TMOD1: variants seen among roughly 807,000 people sequenced by gnomAD.
TMOD1 encodes tropomodulin 1.
TMOD1 carries 17 observed loss-of-function variants against 40.6 expected under a neutral mutation model. The observed-to-expected ratio is 0.42, with a 90% confidence interval of 0.29 to 0.63. The LOEUF is 0.63. Among genes scored for constraint, TMOD1 ranks in the 20% least tolerant of loss-of-function variants. The pLI, the probability that TMOD1 is intolerant of heterozygous loss-of-function variation, is 0.22. For synonymous variants in TMOD1, 181 were observed against 175.0 expected, an observed-to-expected ratio of 1.03 and a Z score of -0.27; for missense variants, 391 against 447.6, an observed-to-expected ratio of 0.87 and a Z score of 1.14.
At chr9:97,546,164 C>CTCCTG in intron 2 of TMOD1, 21 bp from the exon 3 acceptor site, 1 of 1,592,298 alleles carries the variant, frequency 6.3e-7, no homozygotes, top group Non-Finnish European at 8.5e-7. Flanking sequence ...CTCTCCTGCC[C>CTCCTG]CCCCACAACC....
chr9:97,519,181 C>A (rs999672976), intron 1 of TMOD1, among the ~76,000 whole-genome samples: 1 of 152,174 alleles, frequency 6.6e-6, no homozygotes, highest in East Asian at 1.9e-4. Flanking sequence ...TTTAAAAGAG[C>A]CTTGTGTACT....
chr9:97,597,373 T>C (rs1169826427), intron 9 of TMOD1, among the ~76,000 whole-genome samples: 1 of 152,192 alleles, frequency 6.6e-6, no homozygotes, highest in Non-Finnish European at 1.5e-5. Flanking sequence ...AATGGATGCC[T>C]TTCCCTTCTC....
At chr9:97,521,103 C>T (rs1829908277) in intron 1 of TMOD1, among the ~76,000 whole-genome samples, 1 of 152,186 alleles carries the variant, frequency 6.6e-6, no homozygotes, top group Non-Finnish European at 1.5e-5. Flanking sequence ...CTGGTCCTGT[C>T]CTTGTGTCCC....
rs145853650 is a variant in TMOD1, at chr9:97,552,091, G to C, written c.278-1190G>C. On this transcript the variant is annotated intron_variant, in intron 3 of 9. Transcript: ENST00000259365. ...AGGTTTTTTTGTGTGGAAATTCAGG[G>C]TTTTCTATACATAAGATTATGTCTT... Among the ~76,000 whole-genome samples, 8 of 152,214 alleles carry C rather than the reference G, an allele frequency of 5.3e-5. No individual in the cohort carries two copies. In the East Asian group the frequency reaches 1.5e-3, roughly 29 times the overall value.
chr9:97,571,695 G>T (rs1473056575), intron 8 of TMOD1, among the ~76,000 whole-genome samples: 1 of 152,236 alleles, frequency 6.6e-6, no homozygotes, highest in East Asian at 1.9e-4. Flanking sequence ...CACACAAGAA[G>T]CAAGAGGGGC....
intron 3 of TMOD1, among the ~76,000 whole-genome samples, chr9:97,551,012 ATATTTTTTTTTT>A (rs1463395356): frequency 1.5e-4 from 6 of 39,348 alleles, no homozygotes; most frequent in African/African-American, 9.3e-4. Flanking sequence ...ATATATATAT[ATATTTTTTTTTT>A]TTTTTTTTTT....
chr9:97,588,090 A>C (rs763442773), intron 8 of TMOD1, among the ~76,000 whole-genome samples: 16 of 152,244 alleles, frequency 1.1e-4, no homozygotes, highest in Middle Eastern at 3.4e-3. Flanking sequence ...GTGTGGACTT[A>C]TGTTTTTATT....
rs1826261789 is a variant in TMOD1, at chr9:97,601,605, T to C, written c.*1907T>C. 1.0e-6 allele frequency: 1 copy of C among 987,404 alleles called. No individual in the cohort carries two copies. The highest frequency in any genetic ancestry group is 1.2e-6 in the Non-Finnish European group (1 of 831,364). The allele number at this position is 987,404 out of a possible 1,614,324, so 61.2% of individuals were successfully genotyped here. ...GGTCTAGATCAGGGGCTGGCAAACT[T>C]TTCTGTAAAAGGCCAGACAGTAAAA... On this transcript the variant is annotated 3_prime_UTR_variant, in exon 10 of 10. Coordinates refer to ENST00000259365, the MANE Select transcript of TMOD1 (RefSeq NM_003275.4).
In TMOD1 at chr9:97,594,487, A is replaced by T. The variant is rs1255915933; in HGVS notation, c.1015+3052A>T. Among the ~76,000 whole-genome samples the T allele has an allele frequency of 2.0e-5, 3 of 152,224 alleles. No individual in the cohort carries two copies. The East Asian group carries it at 5.8e-4, about 29-fold the overall frequency. ...GACTGAGGCTGTTAGCAGGCCTGGC[A>T]GCAGGGAGCGCAGATTGGGAAGGGA... On this transcript the variant is annotated intron_variant, in intron 9 of 9. Transcript: ENST00000259365.
chr9:97,528,006 G>A lies in TMOD1; in HGVS notation c.120+3698G>A, dbSNP rs554842959. On this transcript the variant is annotated intron_variant, in intron 2 of 9. Coordinates refer to ENST00000259365, the MANE Select transcript of TMOD1 (RefSeq NM_003275.4). ...GAGGGGGACAGATGGAGGAGGCCTC[G>A]CAGAACCCAAAATACATCCACCAGC... Among the ~76,000 whole-genome samples, 26 of 152,290 alleles carry A rather than the reference G, an allele frequency of 1.7e-4. No individual in the cohort carries two copies. In the South Asian group the frequency reaches 3.7e-3, roughly 22 times the overall value.
intron 8 of TMOD1, among the ~76,000 whole-genome samples, chr9:97,588,219 G>A (rs1315023077): frequency 6.6e-6 from 1 of 152,190 alleles, no homozygotes; most frequent in Non-Finnish European, 1.5e-5. Flanking sequence ...CACCAGCAAT[G>A]TATGAGGGTG....
chr9:97,508,056 TTCACACACACACAC>T (rs1212384403), intron 1 of TMOD1, among the ~76,000 whole-genome samples: 4 of 96,066 alleles, frequency 4.2e-5, no homozygotes, highest in African/African-American at 1.7e-4. Flanking sequence ...ATCTTCCTGA[TTCACACACACACAC>T]ACACACACAC....
intron 1 of TMOD1, among the ~76,000 whole-genome samples, chr9:97,519,975 C>G (rs1490254911): frequency 1.3e-5 from 2 of 152,140 alleles, no homozygotes; most frequent in Non-Finnish European, 2.9e-5. Context: ...GTTAGCCTCT[C>G]ACTATGCAGA....
chr9:97,592,862 T>C (rs1237609381), intron 9 of TMOD1, among the ~76,000 whole-genome samples: 1 of 152,250 alleles, frequency 6.6e-6, no homozygotes, highest in Non-Finnish European at 1.5e-5. Flanking sequence ...AATGCCACTA[T>C]TTTCTAGAGC....
intron 2 of TMOD1, among the ~76,000 whole-genome samples, chr9:97,533,488 G>T (rs1032902567): frequency 1.3e-5 from 2 of 152,228 alleles, no homozygotes; most frequent in African/African-American, 4.8e-5. Context: ...ACATAGACTA[G>T]AGAGTGAATA....
At position 97,546,488 on chromosome 9, in the gene TMOD1, C is replaced by T. The variant is rs1223193506; in HGVS notation, c.277+147C>T. ...CCCTGCCTGGCCAAAACACCCAAACCCAACTTCAAAAGCATCTATGGATGA... is the reference window on the plus strand; with the variant it reads ...CCCTGCCTGGCCAAAACACCCAAACTCAACTTCAAAAGCATCTATGGATGA... On this transcript the variant is annotated intron_variant, in intron 3 of 9. Coordinates refer to ENST00000259365, the MANE Select transcript of TMOD1 (RefSeq NM_003275.4). 7 of 769,030 alleles carry T rather than the reference C, an allele frequency of 9.1e-6. No homozygotes were observed. In the Admixed American group the frequency reaches 2.2e-4, roughly 24 times the overall value. The allele number at this position is 769,030 out of a possible 1,614,324, so 47.6% of individuals were successfully genotyped here.
chr9:97,574,049 G>T (rs1461166804), intron 8 of TMOD1, among the ~76,000 whole-genome samples: 1 of 152,192 alleles, frequency 6.6e-6, no homozygotes, highest in African/African-American at 2.4e-5. Flanking sequence ...AGAGGTGACA[G>T]CATGCTGGCA....
intron 2 of TMOD1, among the ~76,000 whole-genome samples, chr9:97,541,943 C>T (rs1830281753): frequency 6.6e-6 from 1 of 152,254 alleles, no homozygotes; most frequent in South Asian, 2.1e-4. Context: ...TTTGTCTTCT[C>T]ACTAGTGTCC....
chr9:97,540,825 G>A (rs572438840), intron 2 of TMOD1, among the ~76,000 whole-genome samples: 95 of 152,242 alleles, frequency 6.2e-4, no homozygotes, highest in Non-Finnish European at 1.2e-4. Context: ...GAATAATGCT[G>A]TTATAAATGT....
Sources: allele counts gnomAD v4.1 joint callset (sites outside exome capture counted in the v4.1 genomes callset), GRCh38; gene constraint gnomAD v4.1.1; transcripts MANE v1.5; gene names NCBI Gene and HGNC (gene_info 2026-07-23, HGNC 2026-07-21).